The following TSNARE1 variants were observed in gnomAD, a reference collection of about 807,000 sequenced individuals.
TSNARE1 encodes t-SNARE domain-containing protein 1.
TSNARE1 carries 49 observed loss-of-function variants against 62.0 expected under a neutral mutation model. That is an observed-to-expected ratio of 0.79 (90% CI 0.63 to 1.00). TSNARE1 has a LOEUF of 1.00. Ranked by LOEUF, TSNARE1 falls within the 50% of genes least tolerant of loss-of-function variation. The pLI is 0.00. For synonymous variants in TSNARE1, 328 were observed against 294.4 expected (o/e 1.11, Z -1.17); for missense variants, 755 against 700.1 (o/e 1.08, Z -0.88).
intron 6 of TSNARE1, 115 bp downstream of exon 6, chr8:142,330,786 G>T: frequency 9.7e-7 from 1 of 1,031,208 alleles, no homozygotes; most frequent in Non-Finnish European, 1.5e-6. Flanking sequence ...CCAGGCAGCT[G>T]TGCGCAAGCA....
chr8:142,406,263 T>C (rs4301486), upstream of TSNARE1: 2 of 152,254 alleles, frequency 1.3e-5, no homozygotes, highest in African/African-American at 4.8e-5. Context: ...CCTTTATGGG[T>C]CTGCCTCATT....
At chr8:142,249,229 C>T (rs1386029869) in intron 12 of TSNARE1, among the ~76,000 whole-genome samples, 3 of 152,348 alleles carry the variant, frequency 2.0e-5, no homozygotes, top group Non-Finnish European at 2.9e-5. Context: ...ACCCCAGGGA[C>T]GTCATCCGGA....
chr8:142,393,103 G>C (rs1238843770), intron 1 of TSNARE1, among the ~76,000 whole-genome samples: 1 of 152,146 alleles, frequency 6.6e-6, no homozygotes, highest in Non-Finnish European at 1.5e-5. Flanking sequence ...AAAGTAAAAG[G>C]TCATTAGAAT....
At chr8:142,342,695 G>A (rs1052871822) in intron 4 of TSNARE1, among the ~76,000 whole-genome samples, 14 of 148,466 alleles carry the variant, frequency 9.4e-5, no homozygotes, top group Admixed American at 4.7e-4. Flanking sequence ...ACCTGTCCAG[G>A]CCACCACAGC....
rs376180149 is a variant in TSNARE1 at position 142,284,375 on chromosome 8, G to C, written c.1363+38C>G. 6 of 1,570,802 alleles carry C rather than the reference G, an allele frequency of 3.8e-6. No individual in the cohort carries two copies. In the Admixed American group the frequency reaches 6.7e-5, roughly 17 times the overall value. ...GCTGGGGGCTGGCAGGCAGGCCCTC[G>C]GGGCAGCAGGTGGCCCGAGGCTGGG... On this transcript the variant is annotated intron_variant, in intron 11 of 13. Transcript: ENST00000524325.
intron 1 of TSNARE1, among the ~76,000 whole-genome samples, chr8:142,399,958 G>A (rs992703031): frequency 1.3e-5 from 2 of 152,180 alleles, no homozygotes; most frequent in African/African-American, 4.8e-5. Context: ...ACTCCGGGAG[G>A]CTGAGGCCAG....
intron 11 of TSNARE1, chr8:142,279,974 C>T: frequency 8.9e-7 from 1 of 1,127,022 alleles, no homozygotes; most frequent in South Asian, 1.8e-5. Flanking sequence ...CCGCCCTCCG[C>T]CAGCTTCTTG....
At chr8:142,212,804 C>A (rs1408719840) in intron 13 of TSNARE1, among the ~76,000 whole-genome samples, 1 of 13,554 alleles carries the variant, frequency 7.4e-5, no homozygotes, top group Non-Finnish European at 1.5e-4. Flanking sequence ...TCTCTCCAAT[C>A]CTTCCCCCCC....
intron 11 of TSNARE1, among the ~76,000 whole-genome samples, chr8:142,278,971 C>T (rs1407225343): frequency 6.6e-6 from 1 of 152,244 alleles, no homozygotes; most frequent in Non-Finnish European, 1.5e-5. Context: ...TCCCTGGGAG[C>T]TATGTCAAGG....
chr8:142,339,806 GGCCC>G (rs1160621282), intron 4 of TSNARE1, among the ~76,000 whole-genome samples: 15 of 152,360 alleles, frequency 9.8e-5, no homozygotes, highest in African/African-American at 3.6e-4. Context: ...GCTGAGTCTG[GGCCC>G]TCGCCAGCGG....
chr8:142,392,947 GAA>G (rs374805854), intron 1 of TSNARE1, among the ~76,000 whole-genome samples: 47 of 109,538 alleles, frequency 4.3e-4, no homozygotes, highest in South Asian at 2.0e-3. Context: ...AGGAGAAAAA[GAA>G]AAAAAAAAAA....
intron 10 of TSNARE1, among the ~76,000 whole-genome samples, chr8:142,299,314 G>C (rs1248130586): frequency 6.6e-6 from 1 of 152,216 alleles, no homozygotes; most frequent in Non-Finnish European, 1.5e-5. Context: ...AGCAGAACCA[G>C]CCACAGGTAC....
At chr8:142,307,610 T>C (rs34190599) in intron 9 of TSNARE1, among the ~76,000 whole-genome samples, 35,770 of 152,148 alleles carry the variant, frequency 0.24, 4,786 homozygotes, top group African/African-American at 0.36. Context: ...GTTTTGGAAA[T>C]GATGACAAGA....
chr8:142,349,565 G>C (rs1399666904), intron 2 of TSNARE1, among the ~76,000 whole-genome samples: 1 of 152,200 alleles, frequency 6.6e-6, no homozygotes, highest in Non-Finnish European at 1.5e-5. Context: ...GGGGAAGCCA[G>C]GGGCCATATC....
intron 1 of TSNARE1, among the ~76,000 whole-genome samples, chr8:142,402,346 T>A (rs1231685242): frequency 6.6e-6 from 1 of 152,188 alleles, no homozygotes; most frequent in African/African-American, 2.4e-5. Context: ...CTACTGAGTG[T>A]CGGACATGTG....
chr8:142,277,346 A>G, intron 11 of TSNARE1: 2 of 985,368 alleles, frequency 2.0e-6, no homozygotes, highest in Non-Finnish European at 2.4e-6. Flanking sequence ...ACCTCAAAGG[A>G]AACTGCCTGC....
intron 7 of TSNARE1, among the ~76,000 whole-genome samples, chr8:142,318,057 G>A (rs2131691288): frequency 6.6e-6 from 1 of 152,350 alleles, no homozygotes; most frequent in Non-Finnish European, 1.5e-5. Flanking sequence ...TGGGTATGCT[G>A]ATGGCCACTG....
chr8:142,307,608 AATG>A (rs1826902732), intron 9 of TSNARE1, among the ~76,000 whole-genome samples: 1 of 152,328 alleles, frequency 6.6e-6, no homozygotes, highest in African/African-American at 2.4e-5. Context: ...TTGTTTTGGA[AATG>A]ATGACAAGAA....
intron 9 of TSNARE1, among the ~76,000 whole-genome samples, chr8:142,304,900 G>T (rs566040643): frequency 1.6e-3 from 247 of 152,324 alleles, no homozygotes; most frequent in African/African-American, 5.8e-3. Context: ...TCCTGCCAGC[G>T]GTGACAGGCC....
Sources: allele counts gnomAD v4.1 joint callset (sites outside exome capture counted in the v4.1 genomes callset), GRCh38; gene constraint gnomAD v4.1.1; transcripts MANE v1.5; gene names NCBI Gene and HGNC (gene_info 2026-07-23, HGNC 2026-07-21).